The following TMEM117 variants were observed in gnomAD, a reference collection of about 807,000 sequenced individuals.
The protein encoded by TMEM117 is transmembrane protein 117.
A neutral mutation model predicts 52.4 loss-of-function variants in TMEM117; 27 were observed. The observed-to-expected ratio is 0.51, with a 90% CI of 0.38 to 0.71. The LOEUF (loss-of-function observed/expected upper bound fraction) is 0.71, where lower values mean the gene tolerates loss of function less well. Ranked by LOEUF, TMEM117 falls within the 30% of genes least tolerant of loss-of-function variation. The probability of loss-of-function intolerance (pLI) is 0.00; values close to 1 mark genes in which losing one functional copy is unlikely to be tolerated. For missense variants in TMEM117, 556 were observed against 630.5 expected (o/e 0.88, Z 1.26); for synonymous variants, 215 against 206.3 (o/e 1.04, Z -0.36).
chr12:44,073,406 A>T (rs1044706201), intron 3 of TMEM117: 1 of 120,214 alleles, frequency 8.3e-6, no homozygotes, highest in Non-Finnish European at 1.6e-5. Context: ...TTTTTTTTTA[A>T]ACGGTAATAC....
chr12:44,358,008 C>T (rs1279534118), intron 6 of TMEM117, among the ~76,000 whole-genome samples: 1 of 152,050 alleles, frequency 6.6e-6, no homozygotes, highest in East Asian at 1.9e-4. Context: ...AGAACAAAAC[C>T]ATGTCCTTTT....
chr12:43,919,490 C>T (rs1305983956), intron 2 of TMEM117, among the ~76,000 whole-genome samples: 1 of 152,120 alleles, frequency 6.6e-6, no homozygotes, highest in Admixed American at 6.5e-5. Flanking sequence ...AGGCTGAATA[C>T]TATATCATTG....
chr12:44,055,673 A>T (rs1045969616), intron 3 of TMEM117, among the ~76,000 whole-genome samples: 4 of 152,152 alleles, frequency 2.6e-5, no homozygotes, highest in Non-Finnish European at 2.9e-5. Context: ...GGTTAAAATC[A>T]AGATTAAATT....
At chr12:43,896,477 A>T (rs1445443160) in intron 2 of TMEM117, among the ~76,000 whole-genome samples, 2 of 152,188 alleles carry the variant, frequency 1.3e-5, no homozygotes, top group African/African-American at 4.8e-5. Context: ...GTTGTCCTCA[A>T]CTTGCTTTGT....
At chr12:44,071,533 A>G (rs1388682840) in intron 3 of TMEM117, among the ~76,000 whole-genome samples, 1 of 152,230 alleles carries the variant, frequency 6.6e-6, no homozygotes, top group Non-Finnish European at 1.5e-5. Flanking sequence ...TTTTATTACA[A>G]TGTCTATTTT....
intron 5 of TMEM117, among the ~76,000 whole-genome samples, chr12:44,277,406 T>G (rs1392687095): frequency 6.6e-6 from 1 of 152,174 alleles, no homozygotes; most frequent in Non-Finnish European, 1.5e-5. Context: ...ACAAGAATTT[T>G]GATATCTTAA....
intron 4 of TMEM117, among the ~76,000 whole-genome samples, chr12:44,151,975 ATATT>A (rs546613953): frequency 0.017 from 2,032 of 121,516 alleles, 48 homozygotes; most frequent in East Asian, 0.054. Flanking sequence ...ATATAAGTAT[ATATT>A]TATATATAAA....
intron 3 of TMEM117, among the ~76,000 whole-genome samples, chr12:43,946,341 T>C (rs144333400): frequency 6.6e-6 from 1 of 150,958 alleles, no homozygotes; most frequent in East Asian, 1.9e-4. Flanking sequence ...ATATAAAATA[T>C]ATCTTCTGCT....
chr12:44,210,167 A>T (rs1033291954), intron 4 of TMEM117, among the ~76,000 whole-genome samples: 2 of 152,022 alleles, frequency 1.3e-5, no homozygotes, highest in Non-Finnish European at 2.9e-5. Context: ...TCTTGTCTGG[A>T]TTTGAACATT....
intron 5 of TMEM117, among the ~76,000 whole-genome samples, chr12:44,250,504 A>C: frequency 6.6e-6 from 1 of 152,272 alleles, no homozygotes; most frequent in Admixed American, 6.5e-5. Flanking sequence ...ACCCAGAGGA[A>C]TATAAATCAT....
intron 4 of TMEM117, among the ~76,000 whole-genome samples, chr12:44,195,623 T>C (rs1399069819): frequency 1.3e-5 from 2 of 151,846 alleles, no homozygotes; most frequent in East Asian, 3.9e-4. Flanking sequence ...AAAGTTGATA[T>C]AGTTATATTG....
At chr12:43,799,446 G>T in the TMEM117 span, 1 of 1,610,294 alleles carries the variant, frequency 6.2e-7, no homozygotes, top group Middle Eastern at 1.9e-4. Flanking sequence ...CAGTCAGTGG[G>T]GCAGGGGAAG....
intron 5 of TMEM117, among the ~76,000 whole-genome samples, chr12:44,268,639 A>T (rs1410597941): frequency 6.6e-6 from 1 of 152,146 alleles, no homozygotes; most frequent in African/African-American, 2.4e-5. Flanking sequence ...TATACAGTAT[A>T]TGTTTCTATG....
intron 4 of TMEM117, among the ~76,000 whole-genome samples, chr12:44,168,183 G>A (rs1299820131): frequency 6.6e-6 from 1 of 152,018 alleles, no homozygotes; most frequent in Non-Finnish European, 1.5e-5. Flanking sequence ...AACCCGGGAG[G>A]CGGAGGTTGC....
chr12:44,104,297 T>A (rs1374162437), intron 3 of TMEM117, among the ~76,000 whole-genome samples: 1 of 151,968 alleles, frequency 6.6e-6, no homozygotes, highest in Non-Finnish European at 1.5e-5. Context: ...TCCATTCTTG[T>A]TTTTTCTCTC....
At chr12:43,927,472 C>CT (rs1477025731) in intron 2 of TMEM117, among the ~76,000 whole-genome samples, 1 of 150,384 alleles carries the variant, frequency 6.6e-6, no homozygotes, top group African/African-American at 2.4e-5. Context: ...GTTTGCATGA[C>CT]TTATTAAATG....
intron 5 of TMEM117, among the ~76,000 whole-genome samples, chr12:44,217,466 A>G (rs895592694): frequency 2.0e-5 from 3 of 152,152 alleles, no homozygotes; most frequent in Non-Finnish European, 2.9e-5. Flanking sequence ...TTTTCAAAAT[A>G]TCTTTTTTCT....
intron 3 of TMEM117, among the ~76,000 whole-genome samples, chr12:43,956,500 CAAAAAAAA>C: frequency 1.2e-5 from 1 of 83,540 alleles, no homozygotes; most frequent in South Asian, 5.5e-4. Flanking sequence ...AGACACTTCT[CAAAAAAAA>C]AAAAAAAAAA....
At chr12:44,162,535 G>A (rs1237731722) in intron 4 of TMEM117, among the ~76,000 whole-genome samples, 1 of 152,096 alleles carries the variant, frequency 6.6e-6, no homozygotes, top group Non-Finnish European at 1.5e-5. Flanking sequence ...GGTTTTCTTG[G>A]TTTAGAAGCT....
Sources: gnomAD v4.1 joint callset for allele counts (sites outside exome capture counted in the v4.1 genomes callset) on GRCh38, gnomAD v4.1.1 for gene constraint, MANE v1.5 for transcripts, NCBI Gene and HGNC (gene_info 2026-07-23, HGNC 2026-07-21) for gene names.